Variants in TANC2 observed in about 807,000 individuals in gnomAD.
The protein encoded by TANC2 is tetratricopeptide repeat, ankyrin repeat and coiled-coil containing 2, also known as protein TANC2.
TANC2 carries 26 observed loss-of-function variants against 210.5 expected under a neutral mutation model. The ratio of observed to expected loss-of-function variants is 0.12; its 90% CI spans 0.09 to 0.17. The LOEUF (loss-of-function observed/expected upper bound fraction) is 0.17. Among genes scored for constraint, TANC2 ranks in the 10% least tolerant of loss-of-function variants. The probability of loss-of-function intolerance (pLI) is 1.00; values close to 1 mark genes in which losing one functional copy is unlikely to be tolerated. For missense variants in TANC2, 2,129 were observed against 2,608.9 expected (o/e 0.82, Z 4.01); for synonymous variants, 931 against 967.1 (o/e 0.96, Z 0.69).
At chr17:63,016,420 T>A (rs560957621) in intron 2 of TANC2, among the ~76,000 whole-genome samples, 7 of 152,176 alleles carry the variant, frequency 4.6e-5, no homozygotes, top group South Asian at 2.1e-4. Context: ...ACAAAAAAAA[T>A]TTTTTTATGG....
At chr17:63,155,549 A>G (rs746267046) in intron 5 of TANC2, among the ~76,000 whole-genome samples, 1 of 152,290 alleles carries the variant, frequency 6.6e-6, no homozygotes, top group Admixed American at 6.5e-5. Context: ...GGCCAAGTTG[A>G]CAGTTTTATA....
At chr17:63,153,142 C>A (rs2039714592) in intron 5 of TANC2, 1 of 152,094 alleles carries the variant, frequency 6.6e-6, no homozygotes, top group South Asian at 2.1e-4. Flanking sequence ...AAGCTATTAT[C>A]TCTACATAGT....
At chr17:62,972,884 T>A (rs1373398268) in intron 1 of TANC2, among the ~76,000 whole-genome samples, 1 of 152,158 alleles carries the variant, frequency 6.6e-6, no homozygotes, top group African/African-American at 2.4e-5. Context: ...TCTCCTTTGT[T>A]CTCTGGGCAA....
At chr17:63,298,423 A>G (rs2044605185) in intron 9 of TANC2, among the ~76,000 whole-genome samples, 1 of 152,210 alleles carries the variant, frequency 6.6e-6, no homozygotes, top group African/African-American at 2.4e-5. Context: ...GAATTATGCT[A>G]AGTGAGAGAA....
intron 1 of TANC2, among the ~76,000 whole-genome samples, chr17:62,972,583 G>A (rs376007774): frequency 2.0e-5 from 3 of 152,004 alleles, no homozygotes; most frequent in Admixed American, 6.6e-5. Context: ...TTCTTCCATT[G>A]CGTTGCTTCC....
chr17:63,082,016 A>G (rs2036792841), intron 3 of TANC2, among the ~76,000 whole-genome samples: 1 of 151,962 alleles, frequency 6.6e-6, no homozygotes, highest in Non-Finnish European at 1.5e-5. Flanking sequence ...ATACAAAAAA[A>G]AAAAGTTAGC....
At chr17:63,334,725 C>T (rs1037073908) in intron 11 of TANC2, among the ~76,000 whole-genome samples, 6 of 152,176 alleles carry the variant, frequency 3.9e-5, no homozygotes, top group African/African-American at 1.4e-4. Flanking sequence ...CCTAGCAGAA[C>T]CTTAACAAAG....
chr17:63,384,133 A>G (rs1376771461), intron 15 of TANC2, among the ~76,000 whole-genome samples: 1 of 152,116 alleles, frequency 6.6e-6, no homozygotes, highest in African/African-American at 2.4e-5. Context: ...ATAGTGGCAC[A>G]ATCACAGCTT....
intron 21 of TANC2, among the ~76,000 whole-genome samples, chr17:63,408,268 G>C (rs2147307999): frequency 6.6e-6 from 1 of 152,302 alleles, no homozygotes; most frequent in African/African-American, 2.4e-5. Context: ...GGATAGAACA[G>C]TTAAAGATAA....
intron 10 of TANC2, among the ~76,000 whole-genome samples, chr17:63,317,744 CT>C (rs1443436759): frequency 6.6e-6 from 1 of 152,188 alleles, no homozygotes; most frequent in South Asian, 2.1e-4. Context: ...TGACTATTGC[CT>C]ACCTATTAAC....
chr17:63,073,937 A>C lies in TANC2; in HGVS notation c.68-6A>C, dbSNP rs763494720. On this transcript the variant is annotated splice_polypyrimidine_tract_variant and splice_region_variant and intron_variant, in intron 2 of 27. Transcript: ENST00000689528. ...ATTTGCTTATGCTCCTTTTAATTTT[A>C]TGCAGATGGAGGGAGCGAGGAACCA... 6.3e-7 allele frequency: 1 copy of C among 1,575,942 alleles called. No individual in the cohort carries two copies. Among genetic ancestry groups the C allele is most frequent in the South Asian group, 1.2e-5 (1 of 85,512 alleles).
chr17:63,059,963 GT>G (rs1160909428), intron 2 of TANC2, among the ~76,000 whole-genome samples: 3 of 152,134 alleles, frequency 2.0e-5, no homozygotes, highest in Non-Finnish European at 4.4e-5. Flanking sequence ...GTTTCTAGGC[GT>G]TTTCAGTGGA....
At chr17:63,313,901 T>C (rs942596781) in intron 9 of TANC2, among the ~76,000 whole-genome samples, 3 of 152,226 alleles carry the variant, frequency 2.0e-5, no homozygotes, top group African/African-American at 4.8e-5. Flanking sequence ...TATTGAAATA[T>C]GTTACTGGTT....
At chr17:63,145,338 A>G (rs1204405199) in intron 4 of TANC2, among the ~76,000 whole-genome samples, 1 of 152,120 alleles carries the variant, frequency 6.6e-6, no homozygotes, top group Non-Finnish European at 1.5e-5. Flanking sequence ...ACTACAGAAA[A>G]TTCATGATAT....
rs181898027 is a variant in TANC2, at chr17:63,405,724, T to C, written c.3466-430T>C. 3.9e-5 allele frequency among the ~76,000 whole-genome samples: 6 copies of C among 152,316 alleles called. No individual in the cohort carries two copies. In the East Asian group the frequency reaches 1.2e-3, roughly 29 times the overall value. On this transcript the variant is annotated intron_variant, in intron 20 of 27. Coordinates refer to ENST00000689528, the Ensembl canonical transcript of TANC2. ...ACACTGATAATAATCTTCAGAAGTATTTCAATAGAAAAAAGGCTGTAGAAG... is the reference window on the plus strand; with the variant it reads ...ACACTGATAATAATCTTCAGAAGTACTTCAATAGAAAAAAGGCTGTAGAAG...
chr17:63,199,225 A>G (rs914904204), intron 6 of TANC2, among the ~76,000 whole-genome samples: 6 of 152,206 alleles, frequency 3.9e-5, no homozygotes, highest in East Asian at 1.9e-4. Flanking sequence ...CTATTTGTAA[A>G]GAAGTTGAAA....
intron 17 of TANC2, among the ~76,000 whole-genome samples, chr17:63,395,076 G>T (rs748982920): frequency 6.6e-6 from 1 of 152,238 alleles, no homozygotes; most frequent in South Asian, 2.1e-4. Context: ...CTACTCATCT[G>T]TTGAAACGAA....
intron 8 of TANC2, among the ~76,000 whole-genome samples, chr17:63,242,024 A>G (rs2042787853): frequency 6.6e-6 from 1 of 152,200 alleles, no homozygotes. Flanking sequence ...GCTTGAGTCT[A>G]GAGCCCTCAT....
At chr17:63,288,564 G>T (rs1273006014) in intron 9 of TANC2, among the ~76,000 whole-genome samples, 1 of 152,140 alleles carries the variant, frequency 6.6e-6, no homozygotes, top group East Asian at 1.9e-4. Context: ...GAGTTCAACT[G>T]TGTCCTTACT....
Sources: gnomAD v4.1 joint callset for allele counts (sites outside exome capture counted in the v4.1 genomes callset) on GRCh38, gnomAD v4.1.1 for gene constraint, MANE v1.5 for transcripts, NCBI Gene and HGNC (gene_info 2026-07-23, HGNC 2026-07-21) for gene names.